RC3H1: variants seen among roughly 807,000 people sequenced by gnomAD.
RC3H1 encodes the protein ring finger and CCCH-type domains 1, also known as roquin-1.
In RC3H1, 50 loss-of-function variants were observed where a neutral mutation model predicts 138.2. The observed-to-expected ratio is 0.36, with a 90% confidence interval of 0.29 to 0.46. RC3H1 has a LOEUF of 0.46. RC3H1 is among the 20% of genes least tolerant of loss of function. RC3H1 has a pLI of 1.00. For missense variants in RC3H1, 1,031 were observed against 1,388.1 expected (o/e 0.74, Z 4.09); for synonymous variants, 462 against 489.1 (o/e 0.94, Z 0.73).
chr1:174,015,479 C>T (rs999662863), intron 1 of RC3H1, among the ~76,000 whole-genome samples: 28 of 151,876 alleles, frequency 1.8e-4, no homozygotes, highest in African/African-American at 6.3e-4. Flanking sequence ...AATTCTCTGC[C>T]TCAGCCTCCT....
chr1:173,952,549 C>T (rs536611303), intron 13 of RC3H1, among the ~76,000 whole-genome samples: 2 of 152,040 alleles, frequency 1.3e-5, no homozygotes, highest in African/African-American at 4.8e-5. Context: ...CCCTCCTCAA[C>T]GTTTCTTTCA....
intron 10 of RC3H1, 43 bp from the exon 11 acceptor site, chr1:173,964,230 CAT>C (rs747040573): frequency 1.4e-6 from 2 of 1,430,374 alleles, no homozygotes; most frequent in East Asian, 2.3e-5. Context: ...AAATACTTCT[CAT>C]GTGCATAAAT....
chr1:173,990,576 TTA>T (rs1295877785), intron 2 of RC3H1, among the ~76,000 whole-genome samples: 4 of 142,814 alleles, frequency 2.8e-5, no homozygotes, highest in Non-Finnish European at 3.1e-5. Flanking sequence ...TTATTATTAT[TTA>T]TTTTTTTTTT....
intron 9 of RC3H1, among the ~76,000 whole-genome samples, chr1:173,966,628 T>C (rs891156111): frequency 6.6e-6 from 1 of 151,848 alleles, no homozygotes; most frequent in Admixed American, 6.6e-5. Context: ...GACAGGAGAA[T>C]TGCTTGAGCC....
At chr1:174,009,949 A>C (rs761745979) in intron 1 of RC3H1, among the ~76,000 whole-genome samples, 1 of 152,168 alleles carries the variant, frequency 6.6e-6, no homozygotes, top group South Asian at 2.1e-4. Flanking sequence ...CAATGAGCCT[A>C]TTTGGTCTCA....
At chr1:173,978,894 C>A (rs1313485807) in intron 6 of RC3H1, among the ~76,000 whole-genome samples, 1 of 152,148 alleles carries the variant, frequency 6.6e-6, no homozygotes, top group African/African-American at 2.4e-5. Flanking sequence ...ATTAGATATA[C>A]TGATGAGTCT....
rs1445187991 is a variant in RC3H1 at position 173,984,545 on chromosome 1, A to G, written c.306T>C (p.Cys102=). ...TTAAGTACAATGCTAATTCTTCTACACATTTCTTGGCTTCCTCATAATGCT... is the reference window on the plus strand; with the variant it reads ...TTAAGTACAATGCTAATTCTTCTACGCATTTCTTGGCTTCCTCATAATGCT... ...DTKHYEEAKK[C]VEELALYLKP... Residue 102 remains cysteine (C), a synonymous_variant, in exon 3 of 20, where the codon TGT becomes TGC. Transcript: ENST00000367696. The G allele has an allele frequency of 2.5e-6, 4 of 1,613,908 alleles. No individual in the cohort carries two copies. The highest frequency in any genetic ancestry group is 1.3e-5 in the African/African-American group (1 of 74,920).
intron 4 of RC3H1, 139 bp downstream of exon 4, chr1:173,983,279 C>G: frequency 1.8e-6 from 2 of 1,081,130 alleles, no homozygotes; most frequent in Non-Finnish European, 2.6e-6. Context: ...TGGAATTGCC[C>G]AAGCCATGAA....
intron 1 of RC3H1, among the ~76,000 whole-genome samples, chr1:174,004,603 C>T (rs539623794): frequency 2.7e-5 from 4 of 149,800 alleles, no homozygotes; most frequent in Admixed American, 6.7e-5. Context: ...GTCAGGGGTT[C>T]GAGACCAGCC....
At chr1:174,017,785 A>C (rs200961615) in intron 1 of RC3H1, among the ~76,000 whole-genome samples, 1 of 89,000 alleles carries the variant, frequency 1.1e-5, no homozygotes, top group African/African-American at 4.6e-5. Context: ...TTCTTGCTCA[A>C]AAAAAAAAAA....
chr1:174,008,976 G>GAAAAAAAAAAAAAAAAAAAAAAA (rs59047478), intron 1 of RC3H1, among the ~76,000 whole-genome samples: 2 of 84,244 alleles, frequency 2.4e-5, no homozygotes, highest in African/African-American at 3.8e-5. Context: ...GACTTTGTCT[G>GAAAAAAAAAAAAAAAAAAAAAAA]AAAAAAAAAA....
Position 173,936,957 on chromosome 1 carries a change from T to C in RC3H1, c.*1764A>G, listed in dbSNP as rs1658631694. 6.8e-6 allele frequency: 1 copy of C among 147,496 alleles called. No homozygotes were observed. The highest frequency in any genetic ancestry group is 6.8e-5 in the Admixed American group (1 of 14,696). 9.1% of individuals were successfully genotyped at this position (147,496 alleles called of 1,614,324 possible). ...GCTATGTATATATGTATATATATAA[T>C]ATATATATAAATTTTTATTTAAATA... On this transcript the variant is annotated 3_prime_UTR_variant, in exon 20 of 20. Transcript: ENST00000367696.
chr1:173,955,712 T>C lies in RC3H1; in HGVS notation c.2371-3574A>G, dbSNP rs1247192891. ...AGTAGATCTACCCAGCATTTTTCCT[T>C]GAAATAAAATCTGAAAATCATAAGG... On this transcript the variant is annotated intron_variant, in intron 13 of 19. Transcript: ENST00000367696. Among the ~76,000 whole-genome samples the C allele has an allele frequency of 2.0e-5, 3 of 152,186 alleles. No homozygotes were observed. In the East Asian group the frequency reaches 5.8e-4, roughly 29 times the overall value.
intron 17 of RC3H1, 68 bp downstream of exon 17, chr1:173,946,408 A>G (rs1659139050): frequency 1.3e-6 from 2 of 1,495,418 alleles, no homozygotes; most frequent in Non-Finnish European, 1.8e-6. Flanking sequence ...CAGTGCCTCA[A>G]AAGTTCCTAT....
chr1:174,011,805 C>A (rs1385517216), intron 1 of RC3H1, among the ~76,000 whole-genome samples: 3 of 151,956 alleles, frequency 2.0e-5, no homozygotes, highest in African/African-American at 7.3e-5. Context: ...TGAATAGAAT[C>A]CAAAGGTAAA....
intron 1 of RC3H1, among the ~76,000 whole-genome samples, chr1:173,999,607 G>A (rs1470908108): frequency 6.6e-6 from 1 of 152,186 alleles, no homozygotes; most frequent in Non-Finnish European, 1.5e-5. Context: ...AGCAACTACA[G>A]ACAAAATTGT....
chr1:174,012,636 T>C (rs1465457842), intron 1 of RC3H1, among the ~76,000 whole-genome samples: 2 of 151,854 alleles, frequency 1.3e-5, no homozygotes, highest in Non-Finnish European at 2.9e-5. Flanking sequence ...ACAAAAAAAT[T>C]AGCCGGGTGT....
chr1:173,964,025 A>G lies in RC3H1; in HGVS notation c.1779T>C (p.Tyr593=). ...GCGGAGCTGCTCCTCGAGGATCCTGATAATAAACATCCGTCTGTTGTGCTG... is the reference window on the plus strand; with the variant it reads ...GCGGAGCTGCTCCTCGAGGATCCTGGTAATAAACATCCGTCTGTTGTGCTG... ...LYPAQQTDVY[Y]QDPRGAAPPF... Residue 593 remains tyrosine (Y), a synonymous_variant, in exon 11 of 20, where the codon TAT becomes TAC. Transcript: ENST00000367696. The G allele has an allele frequency of 6.2e-7, 1 of 1,614,110 alleles. No homozygotes were observed. Among genetic ancestry groups the G allele is most frequent in the East Asian group, 2.2e-5 (1 of 44,870 alleles).
rs1426021092 is a variant in RC3H1, at chr1:173,936,650, G to A, written c.*2071C>T. 1 of 143,338 alleles carries A rather than the reference G, an allele frequency of 7.0e-6. No homozygotes were observed. The highest frequency in any genetic ancestry group is 1.5e-5 in the Non-Finnish European group (1 of 66,224). The allele number at this position is 143,338 out of a possible 1,614,324, so 8.9% of individuals were successfully genotyped here. ...CTTTCCTTCTCCCAATAAACAATAG[G>A]CATTTAAAGTGGAAATGTAAAAGGG... On this transcript the variant is annotated 3_prime_UTR_variant, in exon 20 of 20. Coordinates refer to ENST00000367696, the MANE Select transcript of RC3H1 (RefSeq NM_172071.4).
Sources: gnomAD v4.1 joint callset for allele counts (sites outside exome capture counted in the v4.1 genomes callset) on GRCh38, gnomAD v4.1.1 for gene constraint, MANE v1.5 for transcripts, NCBI Gene and HGNC (gene_info 2026-07-23, HGNC 2026-07-21) for gene names.